Variants in OTOG observed in about 807,000 individuals in gnomAD.
OTOG encodes otogelin.
OTOG carries 296 observed loss-of-function variants against 313.8 expected under a neutral mutation model. The ratio of observed to expected loss-of-function variants is 0.94; its 90% CI spans 0.86 to 1.04. The LOEUF is 1.04. OTOG is among the 50% of genes least tolerant of loss of function. The pLI, the probability that OTOG is intolerant of heterozygous loss-of-function variation, is 0.00. For synonymous variants in OTOG, 1,533 were observed against 1,554.9 expected, an observed-to-expected ratio of 0.99 and a Z score of 0.33; for missense variants, 3,948 against 3,840.1, an observed-to-expected ratio of 1.03 and a Z score of -0.74.
chr11:17,558,335 A>G lies in OTOG; in HGVS notation c.996+20A>G, dbSNP rs1333984216. 3 of 1,549,506 alleles carry G rather than the reference A, an allele frequency of 1.9e-6. No homozygotes were observed. In the East Asian group the frequency reaches 7.3e-5, roughly 38 times the overall value. ...ATGCAGGTCTGGAGCTTGGGGAGAA[A>G]CTCCCCTACCCTAGAGCCTGACTTG... On this transcript the variant is annotated intron_variant, in intron 9 of 55. Transcript: ENST00000399397.
intron 53 of OTOG, among the ~76,000 whole-genome samples, chr11:17,643,170 G>T (rs1848008577): frequency 6.6e-6 from 1 of 152,238 alleles, no homozygotes; most frequent in Non-Finnish European, 1.5e-5. Flanking sequence ...GGGAAGCACT[G>T]GCAGTGGGGT....
At chr11:17,629,350 C>T (rs1440745531) in intron 40 of OTOG, 34 bp downstream of exon 40, 2 of 1,526,114 alleles carry the variant, frequency 1.3e-6, no homozygotes, top group Non-Finnish European at 1.8e-6. Context: ...GGAGGGGATG[C>T]TTCCCAGGTC....
rs979631061 is a variant in OTOG, at chr11:17,594,037, C to G, written c.3289-10C>G. ...CCTGCAACTGACCATGGTGTCCTCT[C>G]TCCTTTCAGGGCCAGCTGGCGGGCC... On this transcript the variant is annotated splice_polypyrimidine_tract_variant and intron_variant, in intron 27 of 55. Transcript: ENST00000399397. 5.2e-6 allele frequency: 8 copies of G among 1,550,474 alleles called. No homozygotes were observed. In the African/African-American group the frequency reaches 1.1e-4, roughly 21 times the overall value.
In OTOG at chr11:17,553,534, G is replaced by A. The variant is rs770936940; in HGVS notation, c.540+15G>A. The A allele has an allele frequency of 7.0e-6, 10 of 1,422,954 alleles. No homozygotes were observed. Among genetic ancestry groups the A allele is most frequent in the Non-Finnish European group, 1.8e-6 (2 of 1,085,876 alleles). 88.1% of individuals were successfully genotyped at this position (1,422,954 alleles called of 1,614,324 possible). On this transcript the variant is annotated intron_variant, in intron 6 of 55. Coordinates refer to ENST00000399397, the MANE Select transcript of OTOG (RefSeq NM_001292063.2). ...TCTCCATCCAGGTGAGGCCTCCCCT[G>A]CCTTGCCTGTCCAGGAATGCTTCTC...
intron 35 of OTOG, among the ~76,000 whole-genome samples, 162 bp downstream of exon 35, chr11:17,609,371 G>A (rs962189411): frequency 6.6e-6 from 1 of 152,120 alleles, no homozygotes; most frequent in Non-Finnish European, 1.5e-5. Context: ...GGCCTCATCC[G>A]GTCTATTCGC....
intron 6 of OTOG, among the ~76,000 whole-genome samples, 195 bp downstream of exon 6, chr11:17,553,714 C>T (rs1313750200): frequency 3.9e-5 from 6 of 152,334 alleles, no homozygotes; most frequent in Middle Eastern, 3.4e-3. Context: ...CTCACCCTGG[C>T]CATTCATTTA....
chr11:17,559,241 C>T (rs1852125311), intron 11 of OTOG, 80 bp downstream of exon 11: 1 of 1,124,976 alleles, frequency 8.9e-7, no homozygotes, highest in Non-Finnish European at 1.2e-6. Context: ...ATGTCTTGTC[C>T]TGCTCAGAAT....
At chr11:17,552,222 CG>C (rs1441763459) in intron 4 of OTOG, 147 bp downstream of exon 4, 42 of 783,456 alleles carry the variant, frequency 5.4e-5, no homozygotes, top group Non-Finnish European at 8.0e-5. Context: ...ACTCTGGCCC[CG>C]GCCACCATGC....
intron 19 of OTOG, among the ~76,000 whole-genome samples, chr11:17,574,410 T>C (rs1013287088): frequency 2.0e-5 from 3 of 152,072 alleles, no homozygotes; most frequent in Admixed American, 6.6e-5. Context: ...TGGTGATCTC[T>C]ACCCCTTCCC....
At chr11:17,617,436 T>C (rs1853747884) in intron 39 of OTOG, among the ~76,000 whole-genome samples, 1 of 152,226 alleles carries the variant, frequency 6.6e-6, no homozygotes, top group South Asian at 2.1e-4. Flanking sequence ...CATCTGAGCC[T>C]GGATTTTTCT....
rs1030164887 is a variant in OTOG, at chr11:17,602,235, A to C, written c.3735A>C (p.Leu1245=). ...NKVLGKGPYQ[L]SSLAAGGALV... is the part of the protein sequence containing the mutation. Reference sequence around the variant, plus strand: ...TGCTAGGTAAGGGCCCCTATCAGCTATCCAGCTTGGCAGCCGGTGGTGCTC... The same window carrying C: ...TGCTAGGTAAGGGCCCCTATCAGCTCTCCAGCTTGGCAGCCGGTGGTGCTC... The change falls in exon 32 of 56, where the codon CTA becomes CTC. Residue 1245 remains leucine, a synonymous_variant. Coordinates refer to ENST00000399397, the MANE Select transcript of OTOG (RefSeq NM_001292063.2). The C allele has an allele frequency of 1.3e-6, 2 of 1,550,398 alleles. No individual in the cohort carries two copies. The highest frequency in any genetic ancestry group is 3.9e-5 in the Admixed American group (2 of 50,992).
At chr11:17,569,564 T>C (rs2134021685) in intron 16 of OTOG, among the ~76,000 whole-genome samples, 1 of 152,334 alleles carries the variant, frequency 6.6e-6, no homozygotes, top group Non-Finnish European at 1.5e-5. Context: ...TCATAACTTG[T>C]TTATTAACTA....
rs1354160732 is a variant in OTOG at position 17,610,958 on chromosome 11, A to G, written c.5658A>G (p.Gly1886=). The G allele has an allele frequency of 1.3e-6, 2 of 1,550,486 alleles. No individual in the cohort carries two copies. Among genetic ancestry groups the G allele is most frequent in the East Asian group, 2.4e-5 (1 of 40,904 alleles). ...LLLGATLPTS[G]VLPVAEGTAS... ...TGGGAGCCACATTGCCAACCTCTGG[A>G]GTCCTGCCTGTGGCTGAGGGCACGG... Residue 1886 remains glycine, a synonymous_variant, in exon 36 of 56, where the codon GGA becomes GGG. Coordinates refer to ENST00000399397, the MANE Select transcript of OTOG (RefSeq NM_001292063.2).
Position 17,547,845 on chromosome 11 carries a change from C to G in OTOG, c.95-82C>G, listed in dbSNP as rs12360902. On this transcript the variant is annotated intron_variant, in intron 1 of 55. Coordinates refer to ENST00000399397, the MANE Select transcript of OTOG (RefSeq NM_001292063.2). Reference sequence around the variant, plus strand: ...GGAATGCTCAGTGGCGTGGGAGAGGCTTTCTAGCAGTGGGGGCCAGGTGGT... The same window carrying G: ...GGAATGCTCAGTGGCGTGGGAGAGGGTTTCTAGCAGTGGGGGCCAGGTGGT... 0.41 allele frequency: 180,747 copies of G among 440,322 alleles called. 37,951 individuals carry two copies. The highest frequency in any genetic ancestry group is 0.56 in the East Asian group (16,595 of 29,380). 27.3% of individuals were successfully genotyped at this position (440,322 alleles called of 1,614,324 possible). A position where few individuals can be genotyped will look rare whatever the true frequency, so the allele number is the denominator to read the frequency against.
chr11:17,583,130 T>A (rs891800535), intron 23 of OTOG, among the ~76,000 whole-genome samples: 3 of 151,798 alleles, frequency 2.0e-5, no homozygotes, highest in African/African-American at 7.3e-5. Flanking sequence ...AAATAATTAA[T>A]TTATTATTAT....
intron 30 of OTOG, 54 bp downstream of exon 30, chr11:17,597,061 C>A: frequency 6.5e-7 from 1 of 1,535,406 alleles, no homozygotes; most frequent in Non-Finnish European, 8.8e-7. Flanking sequence ...CACCTGTGGG[C>A]ATGCCCTAGG....
At chr11:17,637,328 C>T (rs897717358) in intron 47 of OTOG, among the ~76,000 whole-genome samples, 1 of 152,104 alleles carries the variant, frequency 6.6e-6, no homozygotes, top group African/African-American at 2.4e-5. Context: ...TCCTGTTTGT[C>T]CAATCCAGGA....
intron 3 of OTOG, among the ~76,000 whole-genome samples, chr11:17,548,418 CTTT>C (rs56402246): frequency 1.1e-5 from 1 of 87,618 alleles, no homozygotes; most frequent in African/African-American, 4.7e-5. Context: ...ATAGTCCACT[CTTT>C]TTTTTTTTTT....
At chr11:17,577,057 A>G in intron 22 of OTOG, 146 bp downstream of exon 22, 1 of 842,724 alleles carries the variant, frequency 1.2e-6, no homozygotes, top group Non-Finnish European at 1.8e-6. Context: ...CTCTTGGCAA[A>G]GACTCCAGCT....
Sources: gnomAD v4.1 joint callset for allele counts (sites outside exome capture counted in the v4.1 genomes callset) on GRCh38, gnomAD v4.1.1 for gene constraint, MANE v1.5 for transcripts, NCBI Gene and HGNC (gene_info 2026-07-23, HGNC 2026-07-21) for gene names.